Variants in TEC observed in about 807,000 individuals in gnomAD.
TEC encodes the protein tec protein tyrosine kinase, also known as tyrosine-protein kinase Tec.
In TEC, 72 loss-of-function variants were observed where a neutral mutation model predicts 93.0. The observed-to-expected ratio is 0.77, with a 90% confidence interval of 0.64 to 0.94. TEC has a LOEUF of 0.94. TEC is among the 40% of genes least tolerant of loss of function. The pLI is 0.00. For synonymous variants in TEC, 249 were observed against 247.7 expected, an observed-to-expected ratio of 1.01 and a Z score of -0.05; for missense variants, 630 against 757.9, an observed-to-expected ratio of 0.83 and a Z score of 1.98.
rs1159156668 is a variant in TEC, at chr4:48,179,376, A to AT, written c.139-3191dup. Among the ~76,000 whole-genome samples the AT allele has an allele frequency of 5.8e-3, 123 of 21,154 alleles. 7 individuals carry two copies. Among genetic ancestry groups the AT allele is most frequent in the African/African-American group, 0.011 (65 of 5,740 alleles). The allele number at this position is 21,154 out of a possible 152,430, so 13.9% of individuals were successfully genotyped here. On this transcript the variant is annotated intron_variant, in intron 2 of 17. Coordinates refer to ENST00000381501, the MANE Select transcript of TEC (RefSeq NM_003215.3). ...TATATATATATATATATATATATAT[A>AT]TTTTTTTTTTTTTTTTTTTTTTTTC...
chr4:48,210,726 C>T (rs1722875390), intron 2 of TEC, among the ~76,000 whole-genome samples: 1 of 152,088 alleles, frequency 6.6e-6, no homozygotes, highest in Non-Finnish European at 1.5e-5. Flanking sequence ...TATGCATTTC[C>T]ACCAGTTACC....
chr4:48,253,835 C>A (rs1215503603), intron 1 of TEC, among the ~76,000 whole-genome samples: 1 of 152,054 alleles, frequency 6.6e-6, no homozygotes, highest in African/African-American at 2.4e-5. Flanking sequence ...TAGGCCCCCC[C>A]AAAGCGCTGG....
At chr4:48,147,869 A>C (rs1719985416) in intron 11 of TEC, among the ~76,000 whole-genome samples, 1 of 152,140 alleles carries the variant, frequency 6.6e-6, no homozygotes, top group Non-Finnish European at 1.5e-5. Flanking sequence ...TGTTTATATT[A>C]TCTGATTATT....
Position 48,238,898 on chromosome 4 carries a change from C to T in TEC, c.-45-10239G>A, listed in dbSNP as rs1036395071. On this transcript the variant is annotated intron_variant, in intron 1 of 17. Coordinates refer to ENST00000381501, the MANE Select transcript of TEC (RefSeq NM_003215.3). ...GCCTCCGACTGGCAGACTCAACTTC[C>T]CTTATGCATCCCAGCATTACTCTGA... Among the ~76,000 whole-genome samples, 5 of 152,122 alleles carry T rather than the reference C, an allele frequency of 3.3e-5. No individual in the cohort carries two copies. In the East Asian group the frequency reaches 7.7e-4, roughly 24 times the overall value.
intron 3 of TEC, among the ~76,000 whole-genome samples, chr4:48,172,166 A>T (rs1721140032): frequency 6.6e-6 from 1 of 152,212 alleles, no homozygotes; most frequent in Non-Finnish European, 1.5e-5. Flanking sequence ...GGGCAATTAG[A>T]CAGTCTTATT....
In TEC at chr4:48,265,804, C is replaced by T. The variant is rs116910884; in HGVS notation, c.-46+3948G>A. On this transcript the variant is annotated intron_variant, in intron 1 of 17. Coordinates refer to ENST00000381501, the MANE Select transcript of TEC (RefSeq NM_003215.3). The stretch of plus-strand genomic sequence containing the variant: ...CTGGGATTATAGGCATGAGCCACTG[C>T]GCCCGGCCACCAATGACATAATTTA... Among the ~76,000 whole-genome samples, 921 of 152,188 alleles carry T rather than the reference C, an allele frequency of 6.1e-3. 29 individuals are homozygous for T. The East Asian group carries it at 0.08, about 13-fold the overall frequency.
chr4:48,229,853 C>T (rs538438513), intron 1 of TEC, among the ~76,000 whole-genome samples: 1 of 151,954 alleles, frequency 6.6e-6, no homozygotes, highest in South Asian at 2.1e-4. Flanking sequence ...GCAGGTGGAT[C>T]ACCTGAGGTC....
intron 2 of TEC, among the ~76,000 whole-genome samples, chr4:48,212,098 C>CAAAAAAAAAAAAAAAAA (rs59441112): frequency 1.2e-5 from 1 of 86,536 alleles, no homozygotes; most frequent in African/African-American, 4.6e-5. Flanking sequence ...GACTCTGTCT[C>CAAAAAAAAAAAAAAAAA]AAAAAAAAAA....
At chr4:48,143,307 G>A (rs1719762715) in intron 14 of TEC, among the ~76,000 whole-genome samples, 1 of 152,178 alleles carries the variant, frequency 6.6e-6, no homozygotes. Context: ...AGAAATGTAA[G>A]AATCGTTTTT....
At chr4:48,146,752 A>G (rs980596454) in intron 11 of TEC, among the ~76,000 whole-genome samples, 8 of 152,182 alleles carry the variant, frequency 5.3e-5, no homozygotes, top group African/African-American at 1.9e-4. Context: ...ATGACTCAGT[A>G]TTAGCAATCT....
intron 1 of TEC, among the ~76,000 whole-genome samples, chr4:48,261,972 A>C (rs1165565407): frequency 6.6e-6 from 1 of 152,186 alleles, no homozygotes; most frequent in Non-Finnish European, 1.5e-5. Flanking sequence ...CACTATGCTA[A>C]GAAAAAATAT....
chr4:48,184,607 C>T (rs73814683), intron 2 of TEC, among the ~76,000 whole-genome samples: 59 of 152,262 alleles, frequency 3.9e-4, no homozygotes, highest in African/African-American at 1.4e-3. Flanking sequence ...TATTGCTATC[C>T]TATCATTAGG....
intron 2 of TEC, among the ~76,000 whole-genome samples, chr4:48,183,757 C>T (rs1030139427): frequency 3.9e-5 from 6 of 152,162 alleles, no homozygotes; most frequent in African/African-American, 1.4e-4. Context: ...TTGCGTGAGC[C>T]CATTTCCATA....
rs535013989 is a variant in TEC at position 48,224,663 on chromosome 4, C to G, written c.138+3814G>C. Among the ~76,000 whole-genome samples, 10 of 152,264 alleles carry G rather than the reference C, an allele frequency of 6.6e-5. No homozygotes were observed. In the South Asian group the frequency reaches 1.7e-3, roughly 25 times the overall value. ...ACTAACTACCATAAAGAAAGGAGGA[C>G]AAACTAAAGAAGGACCCACAGCGGA... On this transcript the variant is annotated intron_variant, in intron 2 of 17. Transcript: ENST00000381501.
intron 7 of TEC, among the ~76,000 whole-genome samples, chr4:48,165,515 C>A (rs1343948168): frequency 6.6e-6 from 1 of 152,110 alleles, no homozygotes; most frequent in Non-Finnish European, 1.5e-5. Context: ...AGGGTAAATA[C>A]CAATGAAGAA....
chr4:48,237,382 C>T (rs1040650779), intron 1 of TEC, among the ~76,000 whole-genome samples: 2 of 150,628 alleles, frequency 1.3e-5, no homozygotes, highest in Non-Finnish European at 3.0e-5. Flanking sequence ...GTGACTAGAA[C>T]AGCCTATCCT....
In TEC at chr4:48,138,783, G is replaced by A; in HGVS notation, c.1694C>T (p.Pro565Leu). 1.2e-6 allele frequency: 2 copies of A among 1,613,876 alleles called. No homozygotes were observed. The highest frequency in any genetic ancestry group is 1.7e-6 in the Non-Finnish European group (2 of 1,179,914). The change falls in exon 17 of 18, where the codon CCT becomes CTT. Residue 565 changes from proline to leucine, a missense_variant. Pro to Leu is a moderately conservative substitution (Grantham distance 98, BLOSUM62 -3). Coordinates refer to ENST00000381501, the MANE Select transcript of TEC (RefSeq NM_003215.3). ...TTCATAATTGGTGTATTTTTCAAAA[G>A]GCATTCTGCCTTCCGTGAATACTTC... The part of the protein sequence containing the change: ...MWEVFTEGRM[P>L]FEKYTNYEVV...
rs1410527671 is a variant in TEC at position 48,269,536 on chromosome 4, G to A, written c.-46+216C>T. Among the ~76,000 whole-genome samples, 4 of 152,378 alleles carry A rather than the reference G, an allele frequency of 2.6e-5. No homozygotes were observed. The East Asian group carries it at 7.7e-4, about 29-fold the overall frequency. ...ACTGCCGGCAGGAAGGCGAGGCTGCGCCACTGCGCGCACCTGTCCCTCCTT... is the reference window on the plus strand; with the variant it reads ...ACTGCCGGCAGGAAGGCGAGGCTGCACCACTGCGCGCACCTGTCCCTCCTT... On this transcript the variant is annotated intron_variant, in intron 1 of 17. Coordinates refer to ENST00000381501, the MANE Select transcript of TEC (RefSeq NM_003215.3).
chr4:48,175,170 C>T (rs564857223), intron 3 of TEC, among the ~76,000 whole-genome samples: 7 of 152,292 alleles, frequency 4.6e-5, no homozygotes, highest in Admixed American at 2.0e-4. Context: ...GCCACTCTAG[C>T]GGAGAATAAG....
Sources: allele counts gnomAD v4.1 joint callset (sites outside exome capture counted in the v4.1 genomes callset), GRCh38; gene constraint gnomAD v4.1.1; transcripts MANE v1.5; gene names NCBI Gene and HGNC (gene_info 2026-07-23, HGNC 2026-07-21).